Variants in ATXN7L1 observed in about 807,000 individuals in gnomAD.
The protein encoded by ATXN7L1 is ataxin 7 like 1.
ATXN7L1 carries 15 observed loss-of-function variants against 70.8 expected under a neutral mutation model. The ratio of observed to expected loss-of-function variants is 0.21; its 90% CI spans 0.14 to 0.33. The LOEUF (loss-of-function observed/expected upper bound fraction) is 0.33. ATXN7L1 is among the 10% of genes least tolerant of loss of function. The pLI is 1.00. For synonymous variants in ATXN7L1, 440 were observed against 445.1 expected (o/e 0.99, Z 0.14); for missense variants, 975 against 1,097.1 (o/e 0.89, Z 1.57).
At chr7:105,714,052 G>A (rs1038207705) in intron 3 of ATXN7L1, among the ~76,000 whole-genome samples, 3 of 152,232 alleles carry the variant, frequency 2.0e-5, no homozygotes, top group African/African-American at 7.2e-5. Flanking sequence ...CTATCCATTT[G>A]AAATACTTCA....
At chr7:105,671,833 T>C (rs1803754887) in intron 3 of ATXN7L1, among the ~76,000 whole-genome samples, 1 of 126,010 alleles carries the variant, frequency 7.9e-6, no homozygotes, top group Admixed American at 1.0e-4. Flanking sequence ...AAGGCTGCAG[T>C]GAGCTGAGAT....
At chr7:105,639,457 A>T (rs1211766399) in intron 6 of ATXN7L1, 30 bp downstream of exon 6, 2 of 1,518,484 alleles carry the variant, frequency 1.3e-6, no homozygotes, top group Admixed American at 3.9e-5. Context: ...CAGCGAGAGC[A>T]GGAAGTATTT....
chr7:105,614,067 T>A lies in ATXN7L1; in HGVS notation c.2267A>T (p.Asp756Val). 6.6e-7 allele frequency: 1 copy of A among 1,526,568 alleles called. No individual in the cohort carries two copies. The highest frequency in any genetic ancestry group is 8.9e-7 in the Non-Finnish European group (1 of 1,124,656). The allele number at this position is 1,526,568 out of a possible 1,614,324, so 94.6% of individuals were successfully genotyped here. The change falls in exon 10 of 12, where the codon GAC becomes GTC. Residue 756 changes from aspartate to valine, a missense_variant. By Grantham distance (152) the Asp-to-Val change is radical (BLOSUM62 -3). Coordinates refer to ENST00000419735, the MANE Select transcript of ATXN7L1 (RefSeq NM_020725.2). This position sits in a 1 kb window ranked among gnomAD's most constrained non-coding sequence, Gnocchi z 4.3. ...SVPSLALHAG[D>V]LSLASHNAVS... is the part of the protein sequence containing the mutation. ...AGCATTGTGTGAGGCCAGAGAGAGG[T>A]CCCCTGCGTGGAGCGCAAGGGAGGG...
chr7:105,843,620 A>G (rs1055594971), intron 2 of ATXN7L1, among the ~76,000 whole-genome samples: 1 of 152,204 alleles, frequency 6.6e-6, no homozygotes, highest in Non-Finnish European at 1.5e-5. Context: ...CACCTTTTGG[A>G]AAACGGGCCA....
intron 4 of ATXN7L1, among the ~76,000 whole-genome samples, chr7:105,644,388 C>A (rs1436879945): frequency 2.6e-5 from 4 of 152,174 alleles, no homozygotes; most frequent in African/African-American, 4.8e-5. Flanking sequence ...CAGATTGTGG[C>A]TGGACATTAC....
intron 9 of ATXN7L1, among the ~76,000 whole-genome samples, chr7:105,615,032 C>A (rs1793666614): frequency 6.6e-6 from 1 of 152,082 alleles, no homozygotes; most frequent in South Asian, 2.1e-4. Flanking sequence ...TCATCACGCA[C>A]AGTCTTTCAG....
chr7:105,716,904 A>G (rs1794630186), intron 3 of ATXN7L1, among the ~76,000 whole-genome samples: 1 of 152,070 alleles, frequency 6.6e-6, no homozygotes, highest in Non-Finnish European at 1.5e-5. Context: ...AAAAAAAAAG[A>G]AAATTTAAAA....
intron 2 of ATXN7L1, among the ~76,000 whole-genome samples, chr7:105,809,617 G>A (rs1808123985): frequency 6.6e-6 from 1 of 152,110 alleles, no homozygotes; most frequent in Admixed American, 6.5e-5. Context: ...CTGTTTCCAT[G>A]GTAAGTGGTT....
intron 2 of ATXN7L1, among the ~76,000 whole-genome samples, chr7:105,857,678 G>C (rs1815932097): frequency 6.6e-6 from 1 of 152,224 alleles, no homozygotes; most frequent in Non-Finnish European, 1.5e-5. Context: ...GGTTAAAGTA[G>C]AGGGTCACTT....
At chr7:105,735,165 C>G (rs1311631723) in intron 3 of ATXN7L1, among the ~76,000 whole-genome samples, 1 of 152,184 alleles carries the variant, frequency 6.6e-6, no homozygotes, top group Non-Finnish European at 1.5e-5. Flanking sequence ...ACTAGATCCC[C>G]TTGACCTGGG....
In ATXN7L1 at chr7:105,787,658, T is replaced by C. The variant is rs79512261; in HGVS notation, c.355+946A>G. Among the ~76,000 whole-genome samples, 1,275 of 152,234 alleles carry C rather than the reference T, an allele frequency of 8.4e-3. 15 individuals carry two copies. Among genetic ancestry groups the C allele is most frequent in the African/African-American group, 0.029 (1,207 of 41,526 alleles). On this transcript the variant is annotated intron_variant, in intron 3 of 11. Transcript: ENST00000419735. ...TGAAGAGGTGGGGAAAAGTCAGAAA[T>C]TCGGAACGTGAGAAAGGGGAAATGT...
chr7:105,632,799 T>C (rs1460773204), intron 7 of ATXN7L1, among the ~76,000 whole-genome samples: 1 of 151,850 alleles, frequency 6.6e-6, no homozygotes, highest in African/African-American at 2.4e-5. Context: ...CTTGCACCTG[T>C]AGTCCCAGGT....
intron 3 of ATXN7L1, among the ~76,000 whole-genome samples, chr7:105,738,954 G>C (rs944178827): frequency 2.6e-5 from 4 of 152,190 alleles, no homozygotes; most frequent in Non-Finnish European, 4.4e-5. Context: ...AGGTGGGGAG[G>C]GCAAGGGGGA....
intron 3 of ATXN7L1, among the ~76,000 whole-genome samples, chr7:105,683,836 C>T (rs985786926): frequency 1.3e-5 from 2 of 152,134 alleles, no homozygotes; most frequent in African/African-American, 2.4e-5. Flanking sequence ...CCAACCTGAT[C>T]GTTCATCCCT....
At chr7:105,674,525 G>A (rs1484787472) in intron 3 of ATXN7L1, among the ~76,000 whole-genome samples, 6 of 152,090 alleles carry the variant, frequency 3.9e-5, no homozygotes, top group Non-Finnish European at 8.8e-5. Context: ...GCAAGATTGT[G>A]AAACAAGACC....
intron 3 of ATXN7L1, among the ~76,000 whole-genome samples, chr7:105,713,425 A>G (rs1362238340): frequency 6.6e-6 from 1 of 152,236 alleles, no homozygotes. Flanking sequence ...CCTGTGCCAG[A>G]GCCCAATGCG....
chr7:105,629,327 T>C (rs1204387139), intron 7 of ATXN7L1, among the ~76,000 whole-genome samples: 1 of 152,086 alleles, frequency 6.6e-6, no homozygotes, highest in Non-Finnish European at 1.5e-5. Context: ...AATTTGGCTT[T>C]TTTAGATTCC....
At chr7:105,714,660 T>C (rs1312745197) in intron 3 of ATXN7L1, among the ~76,000 whole-genome samples, 1 of 147,952 alleles carries the variant, frequency 6.8e-6, no homozygotes, top group African/African-American at 2.5e-5. Flanking sequence ...GCTTCTTCTG[T>C]TTTTGTTTTT....
At chr7:105,731,045 A>G (rs1796478488) in intron 3 of ATXN7L1, among the ~76,000 whole-genome samples, 1 of 152,218 alleles carries the variant, frequency 6.6e-6, no homozygotes, top group Non-Finnish European at 1.5e-5. Flanking sequence ...GAGTGCTGAC[A>G]TGATGCCACA....
Sources: allele counts gnomAD v4.1 joint callset (sites outside exome capture counted in the v4.1 genomes callset), GRCh38; gene constraint gnomAD v4.1.1; non-coding constraint Gnocchi (gnomAD v3.1); transcripts MANE v1.5; gene names NCBI Gene and HGNC (gene_info 2026-07-23, HGNC 2026-07-21).